The following GRIP2 variants were observed in gnomAD, a reference collection of about 807,000 sequenced individuals.
GRIP2 encodes glutamate receptor interacting protein 2, also known as glutamate receptor-interacting protein 2.
In GRIP2, 58 loss-of-function variants were observed where a neutral mutation model predicts 108.3. The observed-to-expected ratio is 0.54, with a 90% CI of 0.43 to 0.67. The LOEUF (loss-of-function observed/expected upper bound fraction) is 0.67, where lower values mean the gene tolerates loss of function less well. Ranked by LOEUF, GRIP2 falls within the 30% of genes least tolerant of loss-of-function variation. The pLI is 0.00. For synonymous variants in GRIP2, 586 were observed against 598.2 expected (o/e 0.98, Z 0.30); for missense variants, 1,278 against 1,430.6 (o/e 0.89, Z 1.72).
In GRIP2 at chr3:14,520,481, A is replaced by G. The variant is rs1307480193; in HGVS notation, c.769T>C (p.Ser257Pro). ...LMVEIVKTPG[S>P]ALGISLTTTS... ...GTGGTGAGCGAGATCCCCAGGGCAG[A>G]CCCTGGCGTCTTGACTATTTCCACC... Residue 257 changes from serine to proline, a missense_variant, in exon 8 of 24, where the codon TCT becomes CCT. Transcript: ENST00000621039. The G allele has an allele frequency of 6.2e-7, 1 of 1,613,738 alleles. No individual in the cohort carries two copies. The highest frequency in any genetic ancestry group is 2.2e-5 in the East Asian group (1 of 44,862).
chr3:14,504,941 G>T (rs975957377), intron 20 of GRIP2, among the ~76,000 whole-genome samples: 1 of 152,218 alleles, frequency 6.6e-6, no homozygotes, highest in African/African-American at 2.4e-5. Flanking sequence ...TAGACACAAG[G>T]TGTTTAGGCT....
chr3:14,543,748 A>G (rs1273110319), upstream of GRIP2, among the ~76,000 whole-genome samples: 1 of 152,200 alleles, frequency 6.6e-6, no homozygotes, highest in Non-Finnish European at 1.5e-5. Flanking sequence ...GAGGGGGCTG[A>G]GCAGCCCAGG....
chr3:14,532,627 AC>A (rs1333174408), intron 1 of GRIP2, among the ~76,000 whole-genome samples: 1 of 151,312 alleles, frequency 6.6e-6, no homozygotes, highest in Non-Finnish European at 1.5e-5. Flanking sequence ...TCAGGAGGGG[AC>A]TCAACCTGGG....
upstream of GRIP2, among the ~76,000 whole-genome samples, chr3:14,556,786 A>G (rs1271545715): frequency 6.6e-6 from 1 of 152,166 alleles, no homozygotes. Flanking sequence ...CTCATCCCAC[A>G]TCCTGACCCC....
rs1257419252 is a variant in GRIP2 at position 14,522,657 on chromosome 3, C to T, written c.566+343G>A. On this transcript the variant is annotated intron_variant, in intron 6 of 23. Coordinates refer to ENST00000621039, the MANE Select transcript of GRIP2 (RefSeq NM_001080423.4). This position sits in a 1 kb window ranked among gnomAD's most constrained non-coding sequence, Gnocchi z 4.3. The stretch of plus-strand genomic sequence containing the variant: ...ACAGACGGCTACAGCAGTGGCCAAT[C>T]AGCGTGCCCCCAAATCTCTCATAGC... The T allele has an allele frequency of 1.2e-5, 3 of 254,442 alleles. No individual in the cohort carries two copies. Among genetic ancestry groups the T allele is most frequent in the Admixed American group, 5.0e-5 (1 of 20,132 alleles). 15.8% of individuals were successfully genotyped at this position (254,442 alleles called of 1,614,324 possible).
chr3:14,519,114 G>A (rs901760599), intron 9 of GRIP2, among the ~76,000 whole-genome samples: 5 of 152,210 alleles, frequency 3.3e-5, no homozygotes, highest in African/African-American at 7.2e-5. Flanking sequence ...GCAGATGCTC[G>A]ATAAATGGTA....
chr3:14,498,181 G>A (rs1028934874), intron 21 of GRIP2, among the ~76,000 whole-genome samples: 10 of 152,318 alleles, frequency 6.6e-5, no homozygotes, highest in South Asian at 2.1e-4. Flanking sequence ...AATGTTTTAC[G>A]TTGGTTGTGG....
At chr3:14,574,571 A>C in the GRIP2 span, 4 of 729,816 alleles carry the variant, frequency 5.5e-6, no homozygotes, top group East Asian at 7.6e-5. Context: ...ATGGGGACTC[A>C]AAAACTTCGT....
At position 14,521,719 on chromosome 3, in the gene GRIP2, T is replaced by A; in HGVS notation, c.635A>T (p.His212Leu). 6.2e-7 allele frequency: 1 copy of A among 1,610,884 alleles called. No individual in the cohort carries two copies. Among genetic ancestry groups the A allele is most frequent in the Non-Finnish European group, 8.5e-7 (1 of 1,178,982 alleles). Residue 212 changes from histidine (H) to leucine (L), a missense_variant, in exon 7 of 24, where the codon CAT (histidine) becomes CTT (leucine). His to Leu is a moderately conservative substitution (Grantham distance 99). Coordinates refer to ENST00000621039, the MANE Select transcript of GRIP2 (RefSeq NM_001080423.4). The surrounding 1 kb of genome is among the most constrained non-coding windows in gnomAD (Gnocchi z 5.1). ...CCGCAGGGTGGCCAGGGCGGTGGCA[T>A]GGCTGGCCCCGTGCAGCGGGATTCC... Reference protein sequence around the residue: ...VDGIPLHGASHATALATLRQC... With the variant: ...VDGIPLHGASLATALATLRQC...
chr3:14,569,304 C>A, the GRIP2 span, among the ~76,000 whole-genome samples: 1 of 152,218 alleles, frequency 6.6e-6, no homozygotes, highest in Admixed American at 6.5e-5. Context: ...TAGAATCGGG[C>A]TGTGTCAGAG....
rs990780588 is a variant in GRIP2 at position 14,521,896 on chromosome 3, G to A, written c.567-109C>T. 12 of 1,061,034 alleles carry A rather than the reference G, an allele frequency of 1.1e-5. No homozygotes were observed. The highest frequency in any genetic ancestry group is 1.6e-5 in the Non-Finnish European group (12 of 764,818). 65.7% of individuals were successfully genotyped at this position (1,061,034 alleles called of 1,614,324 possible). On this transcript the variant is annotated intron_variant, in intron 6 of 23. Transcript: ENST00000621039. This position sits in a 1 kb window ranked among gnomAD's most constrained non-coding sequence, Gnocchi z 5.1. Reference sequence around the variant, plus strand: ...TGGAGGATGAAGAAGCAGGGAATGGGTGGGGGAGGAAGGGGAGGAGGGGAC... The same window carrying A: ...TGGAGGATGAAGAAGCAGGGAATGGATGGGGGAGGAAGGGGAGGAGGGGAC...
At chr3:14,586,783 A>G in the GRIP2 span, among the ~76,000 whole-genome samples, 1 of 152,218 alleles carries the variant, frequency 6.6e-6, no homozygotes. Context: ...GTGCTGAGAC[A>G]ACCTTGATGT....
chr3:14,571,691 C>T, the GRIP2 span, among the ~76,000 whole-genome samples: 1 of 152,186 alleles, frequency 6.6e-6, no homozygotes, highest in Non-Finnish European at 1.5e-5. Context: ...CTGTAGGGAA[C>T]ATGAGGGAGT....
chr3:14,523,305 C>T, intron 5 of GRIP2: 1 of 577,922 alleles, frequency 1.7e-6, no homozygotes, highest in Non-Finnish European at 3.1e-6. Flanking sequence ...GCTTGCCTCC[C>T]TTCTGTGACC....
chr3:14,564,461 C>A, the GRIP2 span, among the ~76,000 whole-genome samples: 1 of 152,190 alleles, frequency 6.6e-6, no homozygotes, highest in Non-Finnish European at 1.5e-5. Flanking sequence ...AGGGAGGGGA[C>A]GGCCTGCCGA....
At chr3:14,565,197 G>A in the GRIP2 span, among the ~76,000 whole-genome samples, 1 of 152,320 alleles carries the variant, frequency 6.6e-6, no homozygotes, top group Admixed American at 6.5e-5. Flanking sequence ...CAAGAATTAA[G>A]GGAAAGGGGC....
the GRIP2 span, among the ~76,000 whole-genome samples, chr3:14,575,030 G>A: frequency 3.9e-5 from 6 of 152,194 alleles, no homozygotes; most frequent in Admixed American, 3.3e-4. Flanking sequence ...AAGGTCAGGA[G>A]GGTGGGTACC....
rs1029742774 is a variant in GRIP2, at chr3:14,509,109, C to G, written c.2078+711G>C. Reference sequence around the variant, plus strand: ...GCGCTCCAGGAGCAGGGTCCACGTCCCGGAATCCCTCCCATCCTCTCCCCA... The same window carrying G: ...GCGCTCCAGGAGCAGGGTCCACGTCGCGGAATCCCTCCCATCCTCTCCCCA... On this transcript the variant is annotated intron_variant, in intron 17 of 23. Transcript: ENST00000621039. 2.0e-5 allele frequency among the ~76,000 whole-genome samples: 3 copies of G among 152,142 alleles called. 1 individual carries two copies.
chr3:14,551,659 TAGCAGAGC>T (rs1241352271), intron 1 of GRIP2, among the ~76,000 whole-genome samples: 9 of 152,216 alleles, frequency 5.9e-5, no homozygotes, highest in African/African-American at 1.9e-4. Context: ...AGCCTGGGGA[TAGCAGAGC>T]AGTGGCCACA....
Sources: allele counts gnomAD v4.1 joint callset (sites outside exome capture counted in the v4.1 genomes callset), GRCh38; gene constraint gnomAD v4.1.1; non-coding constraint Gnocchi (gnomAD v3.1); transcripts MANE v1.5; gene names NCBI Gene and HGNC (gene_info 2026-07-23, HGNC 2026-07-21).